TMEM232: variants seen among roughly 807,000 people sequenced by gnomAD.
TMEM232 encodes the protein transmembrane protein 232.
In TMEM232, 80 loss-of-function variants were observed where a neutral mutation model predicts 78.8. The observed-to-expected ratio is 1.01, with a 90% CI of 0.85 to 1.22. TMEM232 has a LOEUF of 1.22. Among genes scored for constraint, TMEM232 ranks in the 50% most tolerant of loss-of-function variants. TMEM232 has a pLI of 0.00. For missense variants in TMEM232, 881 were observed against 742.2 expected, an observed-to-expected ratio of 1.19 and a Z score of -2.17; for synonymous variants, 297 against 254.3, an observed-to-expected ratio of 1.17 and a Z score of -1.60.
At chr5:110,526,049 A>AAAT (rs1770548900) in intron 12 of TMEM232, among the ~76,000 whole-genome samples, 1 of 147,982 alleles carries the variant, frequency 6.8e-6, no homozygotes, top group African/African-American at 2.5e-5. Flanking sequence ...AAAAAAAAAA[A>AAAT]ATTCAAACAG....
intron 2 of TMEM232, among the ~76,000 whole-genome samples, chr5:110,651,168 T>C (rs1788250652): frequency 6.6e-6 from 1 of 152,130 alleles, no homozygotes; most frequent in Non-Finnish European, 1.5e-5. Context: ...ACTTGTCTCA[T>C]GGGTCTTATA....
intron 1 of TMEM232, among the ~76,000 whole-genome samples, chr5:110,713,085 T>C (rs1796658691): frequency 6.6e-6 from 1 of 151,428 alleles, no homozygotes; most frequent in African/African-American, 2.4e-5. Context: ...TAAAAAGGAA[T>C]AAGATTCTCT....
intron 1 of TMEM232, among the ~76,000 whole-genome samples, chr5:110,692,894 G>C (rs186023064): frequency 6.6e-6 from 1 of 152,320 alleles, no homozygotes; most frequent in South Asian, 2.1e-4. Context: ...CACAGACAAA[G>C]AAAAGGCAGC....
chr5:110,696,217 A>G (rs1306915667), intron 1 of TMEM232, among the ~76,000 whole-genome samples: 5 of 152,224 alleles, frequency 3.3e-5, no homozygotes, highest in African/African-American at 1.2e-4. Context: ...TGATTATCTC[A>G]ATAGATGCAG....
At chr5:110,532,644 TC>T (rs1408767674) in intron 11 of TMEM232, among the ~76,000 whole-genome samples, 3 of 152,008 alleles carry the variant, frequency 2.0e-5, no homozygotes, top group Admixed American at 6.6e-5. Context: ...CCCTGACTAT[TC>T]CTGGACTACA....
At chr5:110,520,050 T>TATATATATATATATATAG (rs374219408) in intron 12 of TMEM232, among the ~76,000 whole-genome samples, 3 of 147,232 alleles carry the variant, frequency 2.0e-5, no homozygotes, top group African/African-American at 7.5e-5. Context: ...TATATATATA[T>TATATATATATATATATAG]AGAGAGAGAG....
intron 8 of TMEM232, among the ~76,000 whole-genome samples, chr5:110,612,149 G>T (rs1281779516): frequency 6.6e-6 from 1 of 152,076 alleles, no homozygotes; most frequent in Admixed American, 6.6e-5. Flanking sequence ...GCTCTTTGAG[G>T]TTGCTGTTAT....
chr5:110,641,084 A>G (rs1786630896), intron 3 of TMEM232, 88 bp from the exon 4 acceptor site: 4 of 810,020 alleles, frequency 4.9e-6, no homozygotes, highest in Non-Finnish European at 5.2e-6. Context: ...GTGCTCCAAA[A>G]GTCATTCTAT....
chr5:110,561,882 G>C (rs1775790170), intron 11 of TMEM232, among the ~76,000 whole-genome samples: 1 of 152,068 alleles, frequency 6.6e-6, no homozygotes, highest in Non-Finnish European at 1.5e-5. Flanking sequence ...GGTTCCAAGA[G>C]AATAAGAGAG....
In TMEM232 at chr5:110,654,242, C is replaced by T. The variant is rs184204988; in HGVS notation, c.126-11871G>A. 3.1e-3 allele frequency among the ~76,000 whole-genome samples: 472 copies of T among 152,258 alleles called. 6 individuals carry two copies. Among genetic ancestry groups the T allele is most frequent in the Non-Finnish European group, 3.2e-3 (220 of 68,016 alleles). On this transcript the variant is annotated intron_variant, in intron 2 of 13. Coordinates refer to ENST00000455884, the MANE Select transcript of TMEM232 (RefSeq NM_001039763.4). Reference sequence around the variant, plus strand: ...ACATCTGATGCCAGCTGGGCCAATTCAGGTCTCTTTCTAAGGATTTTAAAT... The same window carrying T: ...ACATCTGATGCCAGCTGGGCCAATTTAGGTCTCTTTCTAAGGATTTTAAAT...
chr5:110,509,648 C>T (rs1339271137), intron 12 of TMEM232, among the ~76,000 whole-genome samples: 1 of 152,058 alleles, frequency 6.6e-6, no homozygotes, highest in African/African-American at 2.4e-5. Flanking sequence ...TATTACCGCC[C>T]TTCCCATGTA....
At chr5:110,464,275 GA>G (rs1447083391) in intron 12 of TMEM232, among the ~76,000 whole-genome samples, 2 of 152,082 alleles carry the variant, frequency 1.3e-5, no homozygotes, top group East Asian at 3.9e-4. Context: ...TCAAATGAGT[GA>G]AAAATGAACA....
chr5:110,557,648 G>A (rs1775260185), intron 11 of TMEM232, among the ~76,000 whole-genome samples: 2 of 152,084 alleles, frequency 1.3e-5, no homozygotes, highest in African/African-American at 4.8e-5. Flanking sequence ...GGCTGGAGAA[G>A]GAGGAAGAGA....
At chr5:110,653,387 A>T (rs139075849) in intron 2 of TMEM232, among the ~76,000 whole-genome samples, 1,785 of 152,342 alleles carry the variant, frequency 0.012, 45 homozygotes, top group African/African-American at 0.04. Flanking sequence ...AGTTCCTGGC[A>T]TATATTCAGT....
Position 110,480,657 on chromosome 5 carries a change from A to G in TMEM232, c.1703+47931T>C, listed in dbSNP as rs73784768. Reference sequence around the variant, plus strand: ...TGTGTTTGAACTGGTTCTCTATAGTATTGCTCAAGATGCAAAAATGGCAGG... The same window carrying G: ...TGTGTTTGAACTGGTTCTCTATAGTGTTGCTCAAGATGCAAAAATGGCAGG... On this transcript the variant is annotated intron_variant, in intron 12 of 13. Transcript: ENST00000455884. Among the ~76,000 whole-genome samples, 1,136 of 152,176 alleles carry G rather than the reference A, an allele frequency of 7.5e-3. 11 individuals are homozygous for G. The highest frequency in any genetic ancestry group is 0.026 in the African/African-American group (1,094 of 41,546).
chr5:110,688,620 G>C (rs1033683330), intron 1 of TMEM232, among the ~76,000 whole-genome samples: 4 of 152,120 alleles, frequency 2.6e-5, no homozygotes, highest in Admixed American at 2.0e-4. Flanking sequence ...AACCAAAGGA[G>C]GCCATATAGA....
intron 12 of TMEM232, among the ~76,000 whole-genome samples, chr5:110,476,087 A>C (rs770839975): frequency 1.8e-4 from 28 of 151,958 alleles, no homozygotes; most frequent in Admixed American, 2.6e-4. Context: ...TGAATTCTTT[A>C]GTTTTTTTAA....
intron 7 of TMEM232, among the ~76,000 whole-genome samples, chr5:110,619,798 A>T (rs1580383122): frequency 6.6e-6 from 1 of 152,280 alleles, no homozygotes; most frequent in East Asian, 1.9e-4. Flanking sequence ...TATTTTGAAT[A>T]AATAGGTAAA....
intron 12 of TMEM232, among the ~76,000 whole-genome samples, chr5:110,516,095 C>A (rs952655726): frequency 6.6e-6 from 1 of 152,004 alleles, no homozygotes; most frequent in Non-Finnish European, 1.5e-5. Context: ...AAAAATTACC[C>A]GGGCGTGGTG....
Sources: allele counts gnomAD v4.1 joint callset (sites outside exome capture counted in the v4.1 genomes callset), GRCh38; gene constraint gnomAD v4.1.1; transcripts MANE v1.5; gene names NCBI Gene and HGNC (gene_info 2026-07-23, HGNC 2026-07-21).